The following ECM2 variants were observed in gnomAD, a reference collection of about 807,000 sequenced individuals.
ECM2 encodes the protein extracellular matrix protein 2.
ECM2 carries 57 observed loss-of-function variants against 67.5 expected under a neutral mutation model. The ratio of observed to expected loss-of-function variants is 0.84; its 90% confidence interval spans 0.68 to 1.05. The LOEUF (loss-of-function observed/expected upper bound fraction) is 1.05, where lower values mean the gene tolerates loss of function less well. Among genes scored for constraint, ECM2 ranks in the 50% least tolerant of loss-of-function variants. ECM2 has a pLI of 0.00. For missense variants in ECM2, 741 were observed against 822.8 expected, an observed-to-expected ratio of 0.90 and a Z score of 1.22; for synonymous variants, 258 against 294.5, an observed-to-expected ratio of 0.88 and a Z score of 1.27.
At chr9:92,536,157 G>C (rs1459666925), upstream of ECM2, 3 of 378,074 alleles carry the variant, frequency 7.9e-6, no homozygotes, top group East Asian at 2.9e-4. Context: ...CAGGGAAAAT[G>C]GTTACCAAGG....
At chr9:92,515,463 C>T (rs1847644214) in intron 3 of ECM2, among the ~76,000 whole-genome samples, 1 of 152,020 alleles carries the variant, frequency 6.6e-6, no homozygotes, top group Admixed American at 6.6e-5. Flanking sequence ...CTTATTTTTG[C>T]TAACATATCA....
chr9:92,511,866 A>G (rs1847364566), intron 5 of ECM2, 145 bp downstream of exon 5: 1 of 558,386 alleles, frequency 1.8e-6, no homozygotes, highest in African/African-American at 1.9e-5. Context: ...ACTTGAATTC[A>G]AATTAGGGAC....
Position 92,514,921 on chromosome 9 carries a change from C to G in ECM2, c.764G>C (p.Gly255Ala). 6.2e-7 allele frequency: 1 copy of G among 1,614,010 alleles called. No homozygotes were observed. The highest frequency in any genetic ancestry group is 1.3e-5 in the African/African-American group (1 of 75,022). ...CTGGTGTGCCAGCCTCCTCTCCTCTCCAGGCCTCTGCTTTCTGTCTCCTCC... is the reference window on the plus strand; with the variant it reads ...CTGGTGTGCCAGCCTCCTCTCCTCTGCAGGCCTCTGCTTTCTGTCTCCTCC... Reference protein sequence around the residue: ...SRGGDRKQRPGEERRLAHQQQ... With the variant: ...SRGGDRKQRPAEERRLAHQQQ... The change falls in exon 4 of 10, where the codon GGA becomes GCA. Residue 255 changes from glycine (G) to alanine (A), a missense_variant. Coordinates refer to ENST00000344604, the MANE Select transcript of ECM2 (RefSeq NM_001393.4).
the ECM2 span, among the ~76,000 whole-genome samples, chr9:92,553,940 A>C: frequency 6.6e-6 from 1 of 152,142 alleles, no homozygotes; most frequent in Non-Finnish European, 1.5e-5. Context: ...TAGGACTTCC[A>C]GTACTGTGTT....
chr9:92,534,984 T>G (rs1350867136), intron 1 of ECM2, among the ~76,000 whole-genome samples: 1 of 152,170 alleles, frequency 6.6e-6, no homozygotes, highest in Non-Finnish European at 1.5e-5. Context: ...AAGCACTCAC[T>G]TATGGGGCAT....
chr9:92,552,093 TGATA>T, the ECM2 span, among the ~76,000 whole-genome samples: 139 of 139,090 alleles, frequency 1.0e-3, 8 homozygotes, highest in Non-Finnish European at 1.4e-3. Flanking sequence ...ATATGTGATA[TGATA>T]GATCTATCAT....
At chr9:92,511,659 C>A (rs1381911528) in intron 5 of ECM2, among the ~76,000 whole-genome samples, 1 of 152,094 alleles carries the variant, frequency 6.6e-6, no homozygotes, top group Non-Finnish European at 1.5e-5. Context: ...AAAATGTTAA[C>A]AGAGGTTCCA....
At chr9:92,505,831 A>G in intron 6 of ECM2, 141 bp from the exon 7 acceptor site, 1 of 661,566 alleles carries the variant, frequency 1.5e-6, no homozygotes, top group Non-Finnish European at 2.5e-6. Context: ...ATCCTCCTAT[A>G]AAACCTTTTC....
chr9:92,516,078 C>T (rs1451355615), intron 3 of ECM2, among the ~76,000 whole-genome samples: 1 of 150,022 alleles, frequency 6.7e-6, no homozygotes, highest in Admixed American at 6.6e-5. Context: ...TTTTTCCCCC[C>T]CCCGAGACGG....
At chr9:92,501,405 G>A (rs1846668242) in intron 8 of ECM2, among the ~76,000 whole-genome samples, 1 of 152,322 alleles carries the variant, frequency 6.6e-6, no homozygotes, top group Admixed American at 6.5e-5. Flanking sequence ...GTGAATCCCA[G>A]CATGCATCTA....
chr9:92,502,021 G>A (rs952589549), intron 8 of ECM2, among the ~76,000 whole-genome samples: 4 of 152,236 alleles, frequency 2.6e-5, no homozygotes, highest in African/African-American at 9.6e-5. Context: ...TGTAGTGTAG[G>A]AGAACAGGCC....
Position 92,522,645 on chromosome 9 carries a change from A to G in ECM2, c.222T>C (p.Tyr74=), listed in dbSNP as rs1215820925. 4 of 1,613,910 alleles carry G rather than the reference A, an allele frequency of 2.5e-6. No homozygotes were observed. Among genetic ancestry groups the G allele is most frequent in the Admixed American group, 1.7e-5 (1 of 59,992 alleles). ...AGGATTCAAACTTTTCCTCCATGCT[A>G]TAATCAAAGTTAACAATAGGAAGTC... The part of the protein sequence containing the change: ...VARLPIVNFD[Y]SMEEKFESFS... The change falls in exon 2 of 10, where the codon TAT becomes TAC. Residue 74 remains tyrosine, a synonymous_variant. Transcript: ENST00000344604.
chr9:92,517,466 T>C, intron 3 of ECM2: 1 of 629,968 alleles, frequency 1.6e-6, no homozygotes, highest in Non-Finnish European at 2.7e-6. Flanking sequence ...CCAAGTTTAC[T>C]GAATCTGATA....
chr9:92,512,663 A>G (rs1217337143), intron 4 of ECM2, among the ~76,000 whole-genome samples: 10 of 152,148 alleles, frequency 6.6e-5, no homozygotes, highest in Admixed American at 6.5e-4. Context: ...GCTTCAATCT[A>G]CAAAGGTTCC....
chr9:92,504,021 C>T (rs909269574), intron 7 of ECM2, among the ~76,000 whole-genome samples: 5 of 152,216 alleles, frequency 3.3e-5, no homozygotes, highest in African/African-American at 1.2e-4. Context: ...GTGGATCCCT[C>T]TGGAGAGAGA....
In ECM2 at chr9:92,505,689, G is replaced by C. The variant is rs774596403; in HGVS notation, c.1308C>G (p.Asp436Glu). The C allele has an allele frequency of 6.4e-7, 1 of 1,565,140 alleles. No individual in the cohort carries two copies. Among genetic ancestry groups the C allele is most frequent in the Non-Finnish European group, 8.6e-7 (1 of 1,163,796 alleles). ...LQAIDEESLS[D>E]LNQLVTLELE... ...ATTCTAAGGTGACCAACTGATTTAA[G>C]TCTATAAAAAATAAAAGTATTAGAA... Residue 436 changes from aspartate to glutamate, a missense_variant and splice_region_variant, in exon 7 of 10, where the codon GAC (aspartate) becomes GAG (glutamate). Transcript: ENST00000344604.
At chr9:92,542,042 TCAGC>T in the ECM2 span, among the ~76,000 whole-genome samples, 1 of 152,214 alleles carries the variant, frequency 6.6e-6, no homozygotes, top group African/African-American at 2.4e-5. Flanking sequence ...TCCACACACC[TCAGC>T]CTCCCAAAGT....
chr9:92,555,373 C>T, the ECM2 span, among the ~76,000 whole-genome samples: 3 of 151,692 alleles, frequency 2.0e-5, no homozygotes, highest in East Asian at 3.9e-4. Context: ...ATTACAGATG[C>T]ATACCACCAT....
intron 1 of ECM2, among the ~76,000 whole-genome samples, chr9:92,532,034 A>ATTTTTTTTTTTTTTTTTTTTT (rs58499748): frequency 5.1e-5 from 5 of 98,250 alleles, no homozygotes; most frequent in African/African-American, 9.8e-5. Context: ...TTTTTATTTT[A>ATTTTTTTTTTTTTTTTTTTTT]TTTTTTTTTT....
Sources: gnomAD v4.1 joint callset for allele counts (sites outside exome capture counted in the v4.1 genomes callset) on GRCh38, gnomAD v4.1.1 for gene constraint, MANE v1.5 for transcripts, NCBI Gene and HGNC (gene_info 2026-07-23, HGNC 2026-07-21) for gene names.